GALNTL6: variants seen among roughly 807,000 people sequenced by gnomAD.
GALNTL6 encodes the protein polypeptide N-acetylgalactosaminyltransferase-like 6.
In GALNTL6, 46 loss-of-function variants were observed where a neutral mutation model predicts 73.7. The observed-to-expected ratio is 0.62, with a 90% CI of 0.49 to 0.80. The LOEUF is 0.80. GALNTL6 is among the 30% of genes least tolerant of loss of function. The pLI is 0.00. For synonymous variants in GALNTL6, 259 were observed against 263.7 expected, an observed-to-expected ratio of 0.98 and a Z score of 0.17; for missense variants, 604 against 755.0, an observed-to-expected ratio of 0.80 and a Z score of 2.34.
At chr4:171,846,370 T>G (rs1735368148) in intron 2 of GALNTL6, among the ~76,000 whole-genome samples, 1 of 152,154 alleles carries the variant, frequency 6.6e-6, no homozygotes, top group Non-Finnish European at 1.5e-5. Context: ...TCTTATCTTC[T>G]CCTTACATAC....
In GALNTL6 at chr4:172,772,605, G is replaced by C. The variant is rs138989974; in HGVS notation, c.554-36756G>C. ...TGGTCTGTTTATCTATCCTTCACCA[G>C]GTGGCATAAATGCTCCAACTTGGTT... On this transcript the variant is annotated intron_variant, in intron 5 of 12. Coordinates refer to ENST00000506823, the MANE Select transcript of GALNTL6 (RefSeq NM_001034845.3). Among the ~76,000 whole-genome samples, 362 of 152,174 alleles carry C rather than the reference G, an allele frequency of 2.4e-3. 1 individual carries two copies. Among genetic ancestry groups the C allele is most frequent in the African/African-American group, 8.5e-3 (353 of 41,524 alleles).
At chr4:172,114,629 C>A (rs1334493779) in intron 2 of GALNTL6, among the ~76,000 whole-genome samples, 2 of 152,012 alleles carry the variant, frequency 1.3e-5, no homozygotes, top group African/African-American at 4.8e-5. Context: ...TATACGTCGG[C>A]ACTGTGAGGC....
chr4:172,047,923 T>A (rs964969792), intron 2 of GALNTL6, among the ~76,000 whole-genome samples: 3 of 152,132 alleles, frequency 2.0e-5, no homozygotes, highest in African/African-American at 7.2e-5. Context: ...TAAAACATTT[T>A]TTCCACTTGA....
At chr4:172,395,790 C>G (rs1743827972) in intron 5 of GALNTL6, among the ~76,000 whole-genome samples, 2 of 151,974 alleles carry the variant, frequency 1.3e-5, no homozygotes, top group African/African-American at 4.8e-5. Context: ...AAATTAGTTT[C>G]AAAAATTTAA....
chr4:172,907,178 C>A (rs1343206372), intron 8 of GALNTL6, among the ~76,000 whole-genome samples: 2 of 150,838 alleles, frequency 1.3e-5, no homozygotes, highest in African/African-American at 4.9e-5. Context: ...TTTTCCAAAC[C>A]TTTAAGGAGC....
intron 5 of GALNTL6, among the ~76,000 whole-genome samples, chr4:172,787,210 A>T (rs1311506770): frequency 6.6e-6 from 1 of 152,184 alleles, no homozygotes; most frequent in African/African-American, 2.4e-5. Flanking sequence ...AACCATAATG[A>T]CCTCGTTCAA....
chr4:172,983,319 GATAAT>G (rs1310922661), intron 10 of GALNTL6, among the ~76,000 whole-genome samples: 1 of 152,162 alleles, frequency 6.6e-6, no homozygotes. Context: ...AAAACTGTGA[GATAAT>G]AATTTCCAGC....
intron 5 of GALNTL6, among the ~76,000 whole-genome samples, chr4:172,631,653 T>A (rs1025335120): frequency 7.2e-5 from 11 of 152,224 alleles, no homozygotes; most frequent in Non-Finnish European, 1.3e-4. Flanking sequence ...AATATTATTC[T>A]TGTAAAACTC....
At chr4:172,302,195 G>A (rs1739958064) in intron 3 of GALNTL6, among the ~76,000 whole-genome samples, 2 of 152,192 alleles carry the variant, frequency 1.3e-5, no homozygotes, top group African/African-American at 2.4e-5. Flanking sequence ...CTCCTGGTGT[G>A]CTGTTTGCTA....
intron 5 of GALNTL6, among the ~76,000 whole-genome samples, chr4:172,633,343 A>G (rs757418132): frequency 6.6e-6 from 1 of 152,198 alleles, no homozygotes; most frequent in African/African-American, 2.4e-5. Flanking sequence ...TTGCATCAGT[A>G]TGACCTGGAT....
chr4:171,945,218 C>CA (rs1334552046), intron 2 of GALNTL6, among the ~76,000 whole-genome samples: 1 of 152,000 alleles, frequency 6.6e-6, no homozygotes, highest in Non-Finnish European at 1.5e-5. Context: ...AAATTTATAT[C>CA]AAAAAACATC....
At chr4:172,419,965 C>T (rs528205450) in intron 5 of GALNTL6, among the ~76,000 whole-genome samples, 1 of 152,250 alleles carries the variant, frequency 6.6e-6, no homozygotes, top group Non-Finnish European at 1.5e-5. Context: ...TGATTCTAGA[C>T]ATTTGTAAGA....
At chr4:172,301,719 G>A (rs1025061179) in intron 3 of GALNTL6, among the ~76,000 whole-genome samples, 4 of 152,140 alleles carry the variant, frequency 2.6e-5, no homozygotes, top group Non-Finnish European at 5.9e-5. Context: ...GCCTGATTGT[G>A]CCTCTTGAAG....
At chr4:172,513,286 C>T (rs1192995202) in intron 5 of GALNTL6, among the ~76,000 whole-genome samples, 10 of 151,968 alleles carry the variant, frequency 6.6e-5, no homozygotes, top group Non-Finnish European at 1.2e-4. Flanking sequence ...CTAAGTATGT[C>T]CTTTATTTCC....
At chr4:172,895,402 ATT>A (rs1240803881) in intron 8 of GALNTL6, among the ~76,000 whole-genome samples, 49 of 114,340 alleles carry the variant, frequency 4.3e-4, no homozygotes, top group South Asian at 1.8e-3. Flanking sequence ...ATATATATAT[ATT>A]TTTTTTTTGC....
At chr4:172,658,149 CAAAAA>C (rs58279803) in intron 5 of GALNTL6, among the ~76,000 whole-genome samples, 4 of 5,012 alleles carry the variant, frequency 8.0e-4, no homozygotes, top group East Asian at 0.011. Flanking sequence ...GACTCCGTCT[CAAAAA>C]AAAAAAAAAA....
At chr4:173,009,586 T>C (rs1389031093) in intron 11 of GALNTL6, among the ~76,000 whole-genome samples, 1 of 152,218 alleles carries the variant, frequency 6.6e-6, no homozygotes, top group East Asian at 1.9e-4. Flanking sequence ...TTACTTCTTT[T>C]CCCAGAATGG....
chr4:172,178,876 A>G (rs1354786219), intron 2 of GALNTL6, among the ~76,000 whole-genome samples: 1 of 114,776 alleles, frequency 8.7e-6, no homozygotes, highest in South Asian at 3.4e-4. Context: ...TCATTGTTCA[A>G]TTCCCACCTA....
At chr4:172,066,153 A>G (rs1253885145) in intron 2 of GALNTL6, among the ~76,000 whole-genome samples, 4 of 152,140 alleles carry the variant, frequency 2.6e-5, no homozygotes, top group Non-Finnish European at 5.9e-5. Flanking sequence ...TGTGCATTCT[A>G]TGGGTTTGGA....
Sources: gnomAD v4.1 joint callset for allele counts (sites outside exome capture counted in the v4.1 genomes callset) on GRCh38, gnomAD v4.1.1 for gene constraint, MANE v1.5 for transcripts, NCBI Gene and HGNC (gene_info 2026-07-23, HGNC 2026-07-21) for gene names.